MRTFA: variants seen among roughly 807,000 people sequenced by gnomAD.
MRTFA encodes the protein myocardin-related transcription factor A.
In MRTFA, 20 loss-of-function variants were observed where a neutral mutation model predicts 83.5. That is an observed-to-expected ratio of 0.24 (90% CI 0.17 to 0.35). MRTFA has a LOEUF of 0.35. MRTFA is among the 10% of genes least tolerant of loss of function. MRTFA has a pLI of 1.00. For missense variants in MRTFA, 1,200 were observed against 1,224.7 expected (o/e 0.98, Z 0.30); for synonymous variants, 659 against 541.2 (o/e 1.22, Z -3.02).
At chr22:40,500,867 G>A (rs1448567513) in intron 3 of MRTFA, among the ~76,000 whole-genome samples, 2 of 151,244 alleles carry the variant, frequency 1.3e-5, no homozygotes, top group African/African-American at 2.4e-5. Flanking sequence ...ATTCCACAAA[G>A]CCGCCATTGT....
At position 40,632,667 on chromosome 22, in the gene MRTFA, C is replaced by T. The variant is rs917735961; in HGVS notation, c.-84+3811G>A. On this transcript the variant is annotated intron_variant, in intron 1 of 14. Transcript: ENST00000355630. ...GCCAGGCTGGTCTCGATCTCCTGACCTCAAGGGATCCACCTGCCTCAGCCT... is the reference window on the plus strand; with the variant it reads ...GCCAGGCTGGTCTCGATCTCCTGACTTCAAGGGATCCACCTGCCTCAGCCT... Among the ~76,000 whole-genome samples the T allele has an allele frequency of 7.2e-5, 11 of 152,044 alleles. 1 individual carries two copies. Among genetic ancestry groups the T allele is most frequent in the Non-Finnish European group, 1.3e-4 (9 of 68,004 alleles).
At chr22:40,427,198 C>A (rs1318868408) in intron 7 of MRTFA, among the ~76,000 whole-genome samples, 2 of 152,164 alleles carry the variant, frequency 1.3e-5, no homozygotes, top group Non-Finnish European at 2.9e-5. Context: ...CTACACTGGC[C>A]TATAACTAGG....
At chr22:40,458,684 A>G (rs1236227825) in intron 4 of MRTFA, among the ~76,000 whole-genome samples, 1 of 152,196 alleles carries the variant, frequency 6.6e-6, no homozygotes, top group Non-Finnish European at 1.5e-5. Flanking sequence ...ATGATGAGAC[A>G]AAATACAGCC....
rs150212404 is a variant in MRTFA, at chr22:40,549,886, T to C, written c.241+2220A>G. On this transcript the variant is annotated intron_variant, in intron 3 of 14. Transcript: ENST00000355630. Reference sequence around the variant, plus strand: ...GGTCAACATGGTGAAACCCTGTCACTAAAAATACAAAAATTAGCCATTCAT... The same window carrying C: ...GGTCAACATGGTGAAACCCTGTCACCAAAAATACAAAAATTAGCCATTCAT... Among the ~76,000 whole-genome samples the C allele has an allele frequency of 7.2e-5, 11 of 152,056 alleles. No individual in the cohort carries two copies. The East Asian group carries it at 2.1e-3, about 29-fold the overall frequency.
At chr22:40,526,271 G>C (rs2054524687) in intron 3 of MRTFA, 1 of 152,116 alleles carries the variant, frequency 6.6e-6, no homozygotes. Flanking sequence ...GGCTTCAAGT[G>C]ATCCTCCCCA....
intron 4 of MRTFA, among the ~76,000 whole-genome samples, chr22:40,437,329 T>C (rs1002968653): frequency 2.6e-5 from 4 of 152,098 alleles, no homozygotes; most frequent in African/African-American, 9.7e-5. Flanking sequence ...CCTTGGCTCT[T>C]GGAAAGCTTA....
chr22:40,425,504 A>C (rs748512384), intron 7 of MRTFA, among the ~76,000 whole-genome samples: 1 of 152,232 alleles, frequency 6.6e-6, no homozygotes, highest in Non-Finnish European at 1.5e-5. Context: ...CTTGCCCTCC[A>C]GGGCCAGGGC....
At chr22:40,504,082 C>A (rs1257856318) in intron 3 of MRTFA, among the ~76,000 whole-genome samples, 1 of 152,044 alleles carries the variant, frequency 6.6e-6, no homozygotes, top group Non-Finnish European at 1.5e-5. Context: ...GGATGATGAG[C>A]CTTCTCTGCA....
At chr22:40,457,832 A>AC (rs984913658) in intron 4 of MRTFA, among the ~76,000 whole-genome samples, 1 of 152,236 alleles carries the variant, frequency 6.6e-6, no homozygotes, top group African/African-American at 2.4e-5. Context: ...CTGACAAGAG[A>AC]CAAACAAGCT....
chr22:40,411,736 AAGTCCTCCAGGCGTCCAGGG>A lies in MRTFA; in HGVS notation c.2730_2749del (p.Arg913GlufsTer13). 6.4e-7 allele frequency: 1 copy of A among 1,555,320 alleles called. No homozygotes were observed. Among genetic ancestry groups the A allele is most frequent in the Non-Finnish European group, 8.7e-7 (1 of 1,144,530 alleles). ...GGGCAGCCCCGTGCTGCTCTCCAGGAAGTCCTCCAGGCGTCCAGGGAGGGAGGGTGAGCCTGGAGGAGGTG... is the reference window on the plus strand; with the variant it reads ...GGGCAGCCCCGTGCTGCTCTCCAGGAAGGGAGGGTGAGCCTGGAGGAGGTG... On this transcript the variant is annotated frameshift_variant, in exon 15 of 15. Coordinates refer to ENST00000355630, the MANE Select transcript of MRTFA (RefSeq NM_020831.6). LOFTEE classifies it high-confidence loss of function.
intron 1 of MRTFA, among the ~76,000 whole-genome samples, chr22:40,596,464 G>A (rs2056193575): frequency 6.6e-6 from 1 of 152,248 alleles, no homozygotes; most frequent in East Asian, 1.9e-4. Context: ...AGGATCACTT[G>A]AGGCCAGGAG....
At chr22:40,584,561 A>G (rs1340129219) in intron 2 of MRTFA, among the ~76,000 whole-genome samples, 1 of 151,822 alleles carries the variant, frequency 6.6e-6, no homozygotes, top group African/African-American at 2.4e-5. Context: ...ACATGGAGAA[A>G]ACCTGTCTCT....
At chr22:40,518,235 G>T (rs1359066510) in intron 3 of MRTFA, among the ~76,000 whole-genome samples, 2 of 152,146 alleles carry the variant, frequency 1.3e-5, no homozygotes, top group African/African-American at 4.8e-5. Context: ...AGCCAACTCA[G>T]ACAGAAGTTG....
intron 1 of MRTFA, among the ~76,000 whole-genome samples, chr22:40,619,018 A>T (rs1180715590): frequency 2.0e-5 from 3 of 151,504 alleles, no homozygotes; most frequent in Admixed American, 2.0e-4. Context: ...TCAATAATCC[A>T]GGCAAGAAAT....
intron 3 of MRTFA, among the ~76,000 whole-genome samples, chr22:40,500,146 G>C (rs1332566838): frequency 2.0e-5 from 3 of 150,702 alleles, no homozygotes; most frequent in African/African-American, 7.3e-5. Flanking sequence ...GGCCAGGCTG[G>C]TCTCGAACTC....
At chr22:40,502,060 G>A (rs1569300135) in intron 3 of MRTFA, among the ~76,000 whole-genome samples, 5 of 139,748 alleles carry the variant, frequency 3.6e-5, no homozygotes, top group South Asian at 2.3e-4. Flanking sequence ...CCCGGACGGG[G>A]TGGCTGGCCG....
At chr22:40,468,387 T>A (rs1211615983) in intron 3 of MRTFA, among the ~76,000 whole-genome samples, 1 of 152,034 alleles carries the variant, frequency 6.6e-6, no homozygotes, top group Non-Finnish European at 1.5e-5. Flanking sequence ...AGATAAAGTA[T>A]AAATTATGAG....
At chr22:40,498,252 C>CATATATATATAT (rs200779719) in intron 3 of MRTFA, among the ~76,000 whole-genome samples, 52 of 77,534 alleles carry the variant, frequency 6.7e-4, no homozygotes, top group African/African-American at 2.5e-3. Flanking sequence ...GTACACACTT[C>CATATATATATAT]ATATATATAT....
chr22:40,501,082 T>C (rs1235719752), intron 3 of MRTFA, among the ~76,000 whole-genome samples: 1 of 99,402 alleles, frequency 1.0e-5, no homozygotes, highest in African/African-American at 4.5e-5. Context: ...GCTCCTCACT[T>C]CCCAGTAGGG....
Sources: allele counts gnomAD v4.1 joint callset (sites outside exome capture counted in the v4.1 genomes callset), GRCh38; gene constraint gnomAD v4.1.1; transcripts MANE v1.5; gene names NCBI Gene and HGNC (gene_info 2026-07-23, HGNC 2026-07-21).